The following ZNF469 variants were observed in gnomAD, a reference collection of about 807,000 sequenced individuals.
The protein encoded by ZNF469 is zinc finger protein 469.
ZNF469 carries 1 observed loss-of-function variant against 1.0 expected under a neutral mutation model. The observed-to-expected ratio is 1.00, with a 90% CI of 0.35 to 4.73. ZNF469 has a LOEUF of 4.73. Ranked by LOEUF, ZNF469 falls within the 30% of genes most tolerant of loss-of-function variation. ZNF469 has a pLI of 0.16. For missense variants in ZNF469, 6,100 were observed against 5,356.3 expected (o/e 1.14, Z -4.33); for synonymous variants, 2,703 against 2,363.4 (o/e 1.14, Z -4.17).
chr16:88,127,232 C>T, the ZNF469 span, among the ~76,000 whole-genome samples: 8 of 152,044 alleles, frequency 5.3e-5, no homozygotes, highest in Non-Finnish European at 7.4e-5. Flanking sequence ...GCGTTGTCCG[C>T]GTCACAGGCC....
the ZNF469 span, among the ~76,000 whole-genome samples, chr16:88,374,161 C>T: frequency 6.6e-6 from 1 of 152,124 alleles, no homozygotes; most frequent in Non-Finnish European, 1.5e-5. Flanking sequence ...ACAGGGTGGA[C>T]AGAAATGAGT....
the ZNF469 span, among the ~76,000 whole-genome samples, chr16:88,210,877 C>A: frequency 2.6e-5 from 4 of 152,348 alleles, no homozygotes; most frequent in East Asian, 3.9e-4. Flanking sequence ...CCCCCACCAG[C>A]CCCCACTGTG....
the ZNF469 span, among the ~76,000 whole-genome samples, chr16:88,377,110 A>T: frequency 0.39 from 59,212 of 152,186 alleles, 14,648 homozygotes; most frequent in African/African-American, 0.68. Context: ...CAGAGCCCAC[A>T]GTTAGCCACC....
chr16:88,350,642 C>T, the ZNF469 span, among the ~76,000 whole-genome samples: 1 of 152,220 alleles, frequency 6.6e-6, no homozygotes, highest in Non-Finnish European at 1.5e-5. Flanking sequence ...GAAAGGGGGA[C>T]GTTCAGGACG....
At chr16:88,143,562 G>C in the ZNF469 span, among the ~76,000 whole-genome samples, 6 of 152,050 alleles carry the variant, frequency 3.9e-5, no homozygotes, top group South Asian at 1.2e-3. Flanking sequence ...CCATGGCCAT[G>C]CGTCTCCCTG....
the ZNF469 span, among the ~76,000 whole-genome samples, chr16:88,255,275 C>T: frequency 1.3e-5 from 2 of 152,186 alleles, no homozygotes; most frequent in Admixed American, 6.5e-5. Context: ...TATGCCCAAA[C>T]ACTTAGAATA....
chr16:88,409,500 G>T (rs368927886), intron 1 of ZNF469, among the ~76,000 whole-genome samples: 5 of 152,228 alleles, frequency 3.3e-5, no homozygotes, highest in Admixed American at 1.3e-4. Context: ...GGTCACCCAC[G>T]TGCTCAGGGC....
chr16:88,322,466 G>A, the ZNF469 span, among the ~76,000 whole-genome samples: 15 of 152,220 alleles, frequency 9.9e-5, no homozygotes, highest in African/African-American at 1.7e-4. Context: ...CTCCACAGCC[G>A]CAGCCACCCA....
the ZNF469 span, among the ~76,000 whole-genome samples, chr16:88,200,751 C>T: frequency 6.6e-6 from 1 of 152,250 alleles, no homozygotes; most frequent in Non-Finnish European, 1.5e-5. Flanking sequence ...AGAGGAATTC[C>T]AATAAACAAG....
the ZNF469 span, among the ~76,000 whole-genome samples, chr16:88,282,695 C>A: frequency 5.9e-5 from 9 of 152,306 alleles, no homozygotes; most frequent in Admixed American, 2.0e-4. Context: ...AGAGCAGAGT[C>A]CCACAGGGAA....
At chr16:88,137,049 T>C in the ZNF469 span, among the ~76,000 whole-genome samples, 1 of 152,222 alleles carries the variant, frequency 6.6e-6, no homozygotes, top group Non-Finnish European at 1.5e-5. Context: ...TGCATATGGC[T>C]ATGTGAGCAT....
chr16:88,135,371 T>G, the ZNF469 span, among the ~76,000 whole-genome samples: 5 of 152,214 alleles, frequency 3.3e-5, no homozygotes, highest in African/African-American at 4.8e-5. Context: ...TGGGGAGAAT[T>G]TGGGGCTGGT....
chr16:88,189,770 T>C, the ZNF469 span, among the ~76,000 whole-genome samples: 1 of 151,972 alleles, frequency 6.6e-6, no homozygotes, highest in Non-Finnish European at 1.5e-5. This position sits in a 1 kb window ranked among gnomAD's most constrained non-coding sequence, Gnocchi z 4.3. Context: ...ATACAAAAAA[T>C]TAGCTGGGCA....
chr16:88,279,160 C>T, the ZNF469 span, among the ~76,000 whole-genome samples: 1 of 126,378 alleles, frequency 7.9e-6, no homozygotes, highest in African/African-American at 3.1e-5. Flanking sequence ...TTGGTCAGTA[C>T]CGTGTAGATA....
chr16:88,166,772 AACACACACAC>A, the ZNF469 span, among the ~76,000 whole-genome samples: 1 of 145,778 alleles, frequency 6.9e-6, no homozygotes, highest in Non-Finnish European at 1.5e-5. This position sits in a 1 kb window ranked among gnomAD's most constrained non-coding sequence, Gnocchi z 4.5. Context: ...CAGAATCATA[AACACACACAC>A]ACACACACAC....
chr16:88,275,318 C>A, the ZNF469 span, among the ~76,000 whole-genome samples: 3 of 152,226 alleles, frequency 2.0e-5, no homozygotes, highest in African/African-American at 7.2e-5. Flanking sequence ...GCCTCCGGTG[C>A]TCTGCACTTT....
At chr16:88,336,034 C>T in the ZNF469 span, among the ~76,000 whole-genome samples, 34 of 148,560 alleles carry the variant, frequency 2.3e-4, no homozygotes, top group South Asian at 2.2e-3. Flanking sequence ...GACAGTGATG[C>T]GCCAATACCA....
rs1427002672 is a variant in ZNF469 at position 88,435,705 on chromosome 16, T to A, written c.8235T>A (p.Thr2745=). 6.4e-7 allele frequency: 1 copy of A among 1,550,646 alleles called. No homozygotes were observed. The highest frequency in any genetic ancestry group is 2.4e-5 in the East Asian group (1 of 40,916). ...GTGCAGCTCTGGGGGAACAGCCAAC[T>A]GGGCAGAAGGGAGCCTCGGCAAGGG... ...MDGAALGEQP[T]GQKGASARGF... is the part of the protein sequence containing the mutation. The change falls in exon 3 of 3, where the codon ACT becomes ACA. Residue 2745 remains threonine, a synonymous_variant. Coordinates refer to ENST00000565624, the MANE Select transcript of ZNF469 (RefSeq NM_001367624.2).
At chr16:88,171,540 TAC>T in the ZNF469 span, among the ~76,000 whole-genome samples, 16 of 152,336 alleles carry the variant, frequency 1.1e-4, no homozygotes, top group Non-Finnish European at 1.9e-4. Context: ...TGGCTTCAGA[TAC>T]ACACACATAA....
Sources: gnomAD v4.1 joint callset for allele counts (sites outside exome capture counted in the v4.1 genomes callset) on GRCh38, gnomAD v4.1.1 for gene constraint, Gnocchi (gnomAD v3.1) non-coding constraint, MANE v1.5 for transcripts, NCBI Gene and HGNC (gene_info 2026-07-23, HGNC 2026-07-21) for gene names.